Variants in BLNK observed in about 807,000 individuals in gnomAD.
BLNK encodes the protein B cell linker, also known as B-cell linker protein.
Under a neutral mutation model 73.5 loss-of-function variants are expected in BLNK, and 29 were observed. The observed-to-expected ratio is 0.39, with a 90% CI of 0.29 to 0.54. The LOEUF (loss-of-function observed/expected upper bound fraction) is 0.54. BLNK is among the 20% of genes least tolerant of loss of function. BLNK has a pLI of 0.61. For missense variants in BLNK, 460 were observed against 562.8 expected, an observed-to-expected ratio of 0.82 and a Z score of 1.85; for synonymous variants, 176 against 200.8, an observed-to-expected ratio of 0.88 and a Z score of 1.04.
intron 1 of BLNK, among the ~76,000 whole-genome samples, chr10:96,249,339 AC>A (rs781916471): frequency 2.6e-5 from 4 of 152,254 alleles, no homozygotes; most frequent in Non-Finnish European, 4.4e-5. Context: ...TGGAAGGGTT[AC>A]TTTTTGGTGC....
chr10:96,236,400 G>A (rs917841358), intron 3 of BLNK, among the ~76,000 whole-genome samples: 2 of 152,208 alleles, frequency 1.3e-5, no homozygotes, highest in Non-Finnish European at 2.9e-5. Context: ...GAGGCTGCAG[G>A]GGAGGCGGTG....
intron 7 of BLNK, 32 bp downstream of exon 7, chr10:96,216,621 A>G (rs1038252310): frequency 6.2e-7 from 1 of 1,600,186 alleles, no homozygotes; most frequent in Non-Finnish European, 8.6e-7. Flanking sequence ...ACTGCTAAAA[A>G]TTTTCAGGTG....
chr10:96,233,373 G>A (rs1369889385), intron 3 of BLNK, among the ~76,000 whole-genome samples: 3 of 152,004 alleles, frequency 2.0e-5, no homozygotes, highest in Non-Finnish European at 2.9e-5. Flanking sequence ...CCATCCTACC[G>A]TTTGTAGTTA....
intron 10 of BLNK, among the ~76,000 whole-genome samples, 184 bp from the exon 11 acceptor site, chr10:96,207,237 A>G (rs2083838486): frequency 6.6e-6 from 1 of 152,246 alleles, no homozygotes; most frequent in African/African-American, 2.4e-5. Flanking sequence ...AGCAACAAAC[A>G]GCCAGAAGTG....
chr10:96,261,390 C>G (rs1554912771), intron 1 of BLNK, among the ~76,000 whole-genome samples: 6 of 152,186 alleles, frequency 3.9e-5, no homozygotes, highest in Non-Finnish European at 8.8e-5. Context: ...AATAAAACCC[C>G]AGACCCATGA....
Position 96,193,837 on chromosome 10 carries a change from C to T in BLNK, c.1252-1745G>A, listed in dbSNP as rs587654801. On this transcript the variant is annotated intron_variant, in intron 16 of 16. Transcript: ENST00000224337. ...CTAGCCATGTACACACAAATACACA[C>T]AGACTTTCAGAAAAACTCCACATGA... 2.0e-5 allele frequency among the ~76,000 whole-genome samples: 3 copies of T among 152,298 alleles called. No homozygotes were observed. In the South Asian group the frequency reaches 6.2e-4, roughly 32 times the overall value.
In BLNK at chr10:96,262,215, T is replaced by G. The variant is rs895391738; in HGVS notation, c.47+9137A>C. Among the ~76,000 whole-genome samples, 3 of 152,164 alleles carry G rather than the reference T, an allele frequency of 2.0e-5. No homozygotes were observed. The East Asian group carries it at 5.8e-4, about 29-fold the overall frequency. On this transcript the variant is annotated intron_variant, in intron 1 of 16. Transcript: ENST00000224337. Reference sequence around the variant, plus strand: ...GTCCTGCGTGGGTGCTAGTGACAGATGACTCAGTGCCTGAACCTATTACAC... The same window carrying G: ...GTCCTGCGTGGGTGCTAGTGACAGAGGACTCAGTGCCTGAACCTATTACAC...
chr10:96,231,027 G>A (rs1662097861), intron 3 of BLNK, among the ~76,000 whole-genome samples, 193 bp from the exon 4 acceptor site: 2 of 152,246 alleles, frequency 1.3e-5, no homozygotes, highest in East Asian at 1.9e-4. Context: ...AATTCTCAAA[G>A]CATAGAGAGA....
chr10:96,197,369 A>G (rs2083493941), intron 15 of BLNK, among the ~76,000 whole-genome samples: 1 of 152,144 alleles, frequency 6.6e-6, no homozygotes, highest in East Asian at 1.9e-4. Context: ...CAGTGGTGCA[A>G]TCACAGTCCA....
At chr10:96,206,951 A>G in intron 11 of BLNK, 60 bp downstream of exon 11, 1 of 1,518,006 alleles carries the variant, frequency 6.6e-7, no homozygotes, top group Non-Finnish European at 9.1e-7. Flanking sequence ...GTGTACATAC[A>G]AATCCTTAAT....
At chr10:96,240,302 G>A (rs587617582) in intron 3 of BLNK, among the ~76,000 whole-genome samples, 2 of 152,352 alleles carry the variant, frequency 1.3e-5, no homozygotes, top group Middle Eastern at 6.8e-3. Flanking sequence ...ATCAGAAAAT[G>A]TGCGAAACAG....
chr10:96,193,759 G>A lies in BLNK; in HGVS notation c.1252-1667C>T, dbSNP rs1231844290. 3.9e-5 allele frequency among the ~76,000 whole-genome samples: 6 copies of A among 152,278 alleles called. 1 individual carries two copies. The highest frequency in any genetic ancestry group is 3.3e-4 in the Admixed American group (5 of 15,290). The stretch of plus-strand genomic sequence containing the variant: ...AAATTACTCAATGTTGTATCACACA[G>A]TGCCAAAATAGCTGCATAAACAGTT... On this transcript the variant is annotated intron_variant, in intron 16 of 16. Coordinates refer to ENST00000224337, the MANE Select transcript of BLNK (RefSeq NM_013314.4).
At chr10:96,219,060 T>TGGGC (rs2084134204) in intron 6 of BLNK, among the ~76,000 whole-genome samples, 3 of 152,132 alleles carry the variant, frequency 2.0e-5, no homozygotes, top group Admixed American at 6.6e-5. Flanking sequence ...CATTCAGAGG[T>TGGGC]GGGCACTTGC....
rs34920263 is a variant in BLNK at position 96,191,235 on chromosome 10, C to CTTTTTTT, written c.*731_*737dup. Reference sequence around the variant, plus strand: ...GTGGAACTGTGAGTCCATTAAACCTCTTTTTTTTTTTTTTTTTTTATGTAA... The same window carrying CTTTTTTT: ...GTGGAACTGTGAGTCCATTAAACCTCTTTTTTTTTTTTTTTTTTTTTTTTTTATGTAA... On this transcript the variant is annotated 3_prime_UTR_variant, in exon 17 of 17. Transcript: ENST00000224337. Among the ~76,000 whole-genome samples the CTTTTTTT allele has an allele frequency of 6.9e-5, 9 of 130,244 alleles. No homozygotes were observed. The highest frequency in any genetic ancestry group is 1.7e-4 in the African/African-American group (6 of 34,410). 85.4% of individuals were successfully genotyped at this position (130,244 alleles called of 152,430 possible).
At chr10:96,206,871 T>C (rs2083825677) in intron 11 of BLNK, 140 bp downstream of exon 11, 6 of 916,314 alleles carry the variant, frequency 6.5e-6, no homozygotes, top group Non-Finnish European at 1.0e-5. Flanking sequence ...TCATTGCTCA[T>C]TGCAAAAACT....
Position 96,189,783 on chromosome 10 carries a change from C to A in BLNK, c.*2190G>T, listed in dbSNP as rs587660181. 4.6e-6 allele frequency: 4 copies of A among 876,420 alleles called. No individual in the cohort carries two copies. Among genetic ancestry groups the A allele is most frequent in the Non-Finnish European group, 5.7e-6 (3 of 525,222 alleles). The allele number at this position is 876,420 out of a possible 1,614,324, so 54.3% of individuals were successfully genotyped here. ...TTATTCTCTGGAATCTTGCTACCAC[C>A]TCCAGGGACAGATCACTTTCCAGAT... On this transcript the variant is annotated 3_prime_UTR_variant, in exon 17 of 17. Coordinates refer to ENST00000224337, the MANE Select transcript of BLNK (RefSeq NM_013314.4).
intron 2 of BLNK, among the ~76,000 whole-genome samples, chr10:96,244,801 C>T (rs1271729201): frequency 1.3e-5 from 2 of 152,128 alleles, no homozygotes; most frequent in East Asian, 3.9e-4. Context: ...AAAACTTGAG[C>T]TCCACAGCTG....
intron 11 of BLNK, among the ~76,000 whole-genome samples, chr10:96,205,877 A>G (rs1459259127): frequency 7.2e-5 from 11 of 152,182 alleles, no homozygotes; most frequent in Non-Finnish European, 1.5e-4. Flanking sequence ...GTAGCCATGA[A>G]GTCTGCACAG....
At chr10:96,226,853 CA>C (rs781905426) in intron 5 of BLNK, among the ~76,000 whole-genome samples, 347 of 141,666 alleles carry the variant, frequency 2.4e-3, no homozygotes, top group African/African-American at 5.4e-3. Context: ...CAAAACAAAA[CA>C]AAAAAAAAAA....
Sources: gnomAD v4.1 joint callset for allele counts (sites outside exome capture counted in the v4.1 genomes callset) on GRCh38, gnomAD v4.1.1 for gene constraint, MANE v1.5 for transcripts, NCBI Gene and HGNC (gene_info 2026-07-23, HGNC 2026-07-21) for gene names.